MCM9: variants seen among roughly 807,000 people sequenced by gnomAD.
MCM9 encodes DNA helicase MCM9.
MCM9 carries 55 observed loss-of-function variants against 72.8 expected under a neutral mutation model. The observed-to-expected ratio is 0.76, with a 90% CI of 0.61 to 0.95. The LOEUF is 0.95. Among genes scored for constraint, MCM9 ranks in the 40% least tolerant of loss-of-function variants. MCM9 has a pLI of 0.00. For missense variants in MCM9, 1,279 were observed against 1,377.0 expected, an observed-to-expected ratio of 0.93 and a Z score of 1.13; for synonymous variants, 480 against 503.4, an observed-to-expected ratio of 0.95 and a Z score of 0.62.
chr6:118,820,408 C>G (rs1773719672), intron 13 of MCM9, among the ~76,000 whole-genome samples: 1 of 152,158 alleles, frequency 6.6e-6, no homozygotes, highest in East Asian at 1.9e-4. Flanking sequence ...GCAGGCTGTT[C>G]AGTTTCCATG....
intron 8 of MCM9, among the ~76,000 whole-genome samples, chr6:118,874,673 C>T (rs1229438684): frequency 6.6e-6 from 1 of 152,212 alleles, no homozygotes; most frequent in African/African-American, 2.4e-5. Context: ...ATATAATCAT[C>T]TATGTAGGAT....
At chr6:118,877,123 C>T (rs1209238167) in intron 8 of MCM9, among the ~76,000 whole-genome samples, 1 of 152,166 alleles carries the variant, frequency 6.6e-6, no homozygotes, top group Non-Finnish European at 1.5e-5. Flanking sequence ...AAAGTGAGGA[C>T]CAAGGACCCA....
At chr6:118,857,588 T>C (rs1232328896) in intron 8 of MCM9, among the ~76,000 whole-genome samples, 1 of 145,322 alleles carries the variant, frequency 6.9e-6, no homozygotes, top group African/African-American at 2.6e-5. Flanking sequence ...AGAATAACTA[T>C]TGTTGATAAA....
In MCM9 at chr6:118,843,662, ATATATATGTATGTATATATATATG is replaced by A. The variant is rs1775605522; in HGVS notation, c.1325+12685_1325+12708del. On this transcript the variant is annotated intron_variant, in intron 9 of 13. Coordinates refer to ENST00000619706, the MANE Select transcript of MCM9 (RefSeq NM_017696.3). ...AAAACATATATATATATATGTGTAT[ATATATATGTATGTATATATATATG>A]TGTATATATATATATATGTATGTAT... is the stretch of plus-strand genomic sequence containing the variant. 5.0e-5 allele frequency among the ~76,000 whole-genome samples: 3 copies of A among 59,696 alleles called. No individual in the cohort carries two copies. The East Asian group carries it at 1.3e-3, about 25-fold the overall frequency. The allele number at this position is 59,696 out of a possible 152,430, so 39.2% of individuals were successfully genotyped here. A position where few individuals can be genotyped will look rare whatever the true frequency, so the allele number is the denominator to read the frequency against.
At chr6:118,900,934 T>C in intron 8 of MCM9, 1 of 1,184,672 alleles carries the variant, frequency 8.4e-7, no homozygotes. Context: ...AAGTAGACTA[T>C]ATTATCTATT....
At chr6:118,823,942 TTATAA>T in intron 13 of MCM9, among the ~76,000 whole-genome samples, 1 of 151,534 alleles carries the variant, frequency 6.6e-6, no homozygotes, top group South Asian at 2.1e-4. Context: ...TGCATTACCT[TTATAA>T]TCAGAAAAAA....
At chr6:118,842,564 G>A (rs1304525274) in intron 9 of MCM9, among the ~76,000 whole-genome samples, 1 of 152,184 alleles carries the variant, frequency 6.6e-6, no homozygotes, top group Non-Finnish European at 1.5e-5. Flanking sequence ...CTGTCGCCCA[G>A]GCTGGAGTGC....
intron 5 of MCM9, chr6:118,920,176 A>G (rs1353223970): frequency 1.3e-5 from 2 of 152,238 alleles, no homozygotes; most frequent in East Asian, 3.8e-4. Context: ...GCTGAGACAG[A>G]TATTACAGAT....
chr6:118,933,371 T>C (rs1287888901), intron 1 of MCM9, among the ~76,000 whole-genome samples: 1 of 151,938 alleles, frequency 6.6e-6, no homozygotes, highest in Non-Finnish European at 1.5e-5. Flanking sequence ...CTGGGCGTGG[T>C]GGCAGGTGCC....
chr6:118,840,654 A>G (rs1775294925), intron 9 of MCM9, among the ~76,000 whole-genome samples: 1 of 152,186 alleles, frequency 6.6e-6, no homozygotes, highest in Non-Finnish European at 1.5e-5. Flanking sequence ...CTGCAAAATA[A>G]AACTATACTA....
chr6:118,911,608 C>T (rs748966363), intron 8 of MCM9, 42 bp downstream of exon 8: 36 of 1,580,926 alleles, frequency 2.3e-5, no homozygotes, highest in Non-Finnish European at 2.8e-5. Flanking sequence ...GTGTTAACTT[C>T]TGAAGTAATG....
At chr6:118,907,388 C>G in intron 8 of MCM9, 1 of 1,552,366 alleles carries the variant, frequency 6.4e-7, no homozygotes, top group Non-Finnish European at 8.8e-7. Context: ...TTGTATGTTT[C>G]CTTTTTCCTC....
intron 13 of MCM9, among the ~76,000 whole-genome samples, chr6:118,824,396 C>T (rs1774029086): frequency 6.7e-6 from 1 of 150,352 alleles, no homozygotes; most frequent in African/African-American, 2.5e-5. Context: ...GCAACCTCCA[C>T]CTCTTGGGTT....
intron 9 of MCM9, among the ~76,000 whole-genome samples, chr6:118,833,775 T>C (rs537584485): frequency 2.6e-4 from 39 of 152,238 alleles, no homozygotes; most frequent in Non-Finnish European, 1.9e-4. Flanking sequence ...TGCTAGGGGC[T>C]GGGAGGAGGA....
chr6:118,867,879 C>T (rs867293321), intron 8 of MCM9, among the ~76,000 whole-genome samples: 15 of 137,500 alleles, frequency 1.1e-4, no homozygotes, highest in Middle Eastern at 4.1e-3. Context: ...TTTTCTTTTT[C>T]TTTTTCTTTT....
At chr6:118,899,297 G>C (rs1325545551) in intron 8 of MCM9, among the ~76,000 whole-genome samples, 2 of 152,226 alleles carry the variant, frequency 1.3e-5, no homozygotes, top group Non-Finnish European at 2.9e-5. Flanking sequence ...GTGAAAGCCA[G>C]AGTCCTTATG....
Position 118,815,395 on chromosome 6 carries a change from T to A in MCM9, c.2861A>T (p.Lys954Ile). Residue 954 changes from lysine to isoleucine, a missense_variant, in exon 14 of 14, where the codon AAA (lysine) becomes ATA (isoleucine). By Grantham distance (102) the Lys-to-Ile change is moderately radical (BLOSUM62 -3). Transcript: ENST00000619706. ...GATKIAVHSP[K>I]ISQRRTRRDA... ...TCTTCTTGTTCTACGCTGGGAAATT[T>A]TAGGACTATGAACTGCTATTTTAGT... 1 of 1,550,604 alleles carries A rather than the reference T, an allele frequency of 6.4e-7. No individual in the cohort carries two copies.
intron 13 of MCM9, among the ~76,000 whole-genome samples, chr6:118,820,568 C>CT (rs1773730769): frequency 6.6e-6 from 1 of 152,060 alleles, no homozygotes; most frequent in East Asian, 1.9e-4. Context: ...AGAATAAGTG[C>CT]TATGTGGTGC....
chr6:118,915,573 G>A (rs1013087359), intron 6 of MCM9, among the ~76,000 whole-genome samples: 1 of 152,112 alleles, frequency 6.6e-6, no homozygotes, highest in Non-Finnish European at 1.5e-5. Context: ...CAGGTCTTAA[G>A]CAAGTCAACC....
Sources: allele counts gnomAD v4.1 joint callset (sites outside exome capture counted in the v4.1 genomes callset), GRCh38; gene constraint gnomAD v4.1.1; transcripts MANE v1.5; gene names NCBI Gene and HGNC (gene_info 2026-07-23, HGNC 2026-07-21).